Variants in ZNF536 observed in about 807,000 individuals in gnomAD.
ZNF536 encodes the protein zinc finger protein 536.
ZNF536 carries 13 observed loss-of-function variants against 84.5 expected under a neutral mutation model. The ratio of observed to expected loss-of-function variants is 0.15; its 90% confidence interval spans 0.10 to 0.24. ZNF536 has a LOEUF of 0.24. ZNF536 is among the 10% of genes least tolerant of loss of function. The probability of loss-of-function intolerance (pLI) is 1.00; values close to 1 mark genes in which losing one functional copy is unlikely to be tolerated. For synonymous variants in ZNF536, 811 were observed against 742.5 expected, an observed-to-expected ratio of 1.09 and a Z score of -1.50; for missense variants, 1,536 against 1,747.5, an observed-to-expected ratio of 0.88 and a Z score of 2.16.
intron 1 of ZNF536, among the ~76,000 whole-genome samples, chr19:30,406,460 C>G (rs1004553693): frequency 4.6e-5 from 7 of 152,060 alleles, no homozygotes; most frequent in Non-Finnish European, 5.9e-5. Context: ...GGATTTTGGC[C>G]AGGAGACTGC....
chr19:30,356,356 T>A (rs1218729019), intron 3 of ZNF536, among the ~76,000 whole-genome samples: 1 of 152,202 alleles, frequency 6.6e-6, no homozygotes, highest in African/African-American at 2.4e-5. Flanking sequence ...AGTCTGCACT[T>A]CAGGTGCTGA....
At chr19:30,604,825 C>T (rs2047811475) in intron 1 of ZNF536, among the ~76,000 whole-genome samples, 1 of 152,182 alleles carries the variant, frequency 6.6e-6, no homozygotes, top group Non-Finnish European at 1.5e-5. Context: ...GCACAGCAAG[C>T]TCGGGGCAGA....
intron 1 of ZNF536, among the ~76,000 whole-genome samples, chr19:30,588,377 AC>A (rs1320072503): frequency 6.6e-6 from 1 of 152,128 alleles, no homozygotes; most frequent in African/African-American, 2.4e-5. Context: ...AGTGAGGGGG[AC>A]AAGGTCCTAC....
Position 30,585,731 on chromosome 19 carries a change from C to T in ZNF536, c.169+36217C>T, listed in dbSNP as rs1423906669. 2.0e-5 allele frequency among the ~76,000 whole-genome samples: 3 copies of T among 152,160 alleles called. No individual in the cohort carries two copies. In the East Asian group the frequency reaches 5.8e-4, roughly 29 times the overall value. The stretch of plus-strand genomic sequence containing the variant: ...TTTCTCATCTCCAACTCTGCATCTT[C>T]CCATCTCCCCTGATGACCTTCCCTC... On this transcript the variant is annotated intron_variant, in intron 1 of 1. Coordinates refer to the ZNF536 transcript ENST00000592773.
At chr19:30,376,446 C>T (rs2048821556) in intron 1 of ZNF536, among the ~76,000 whole-genome samples, 1 of 152,192 alleles carries the variant, frequency 6.6e-6, no homozygotes, top group South Asian at 2.1e-4. Context: ...GATAATGAGG[C>T]TGGGAACAGC....
intron 1 of ZNF536, among the ~76,000 whole-genome samples, chr19:30,603,061 G>T (rs140954511): frequency 6.6e-6 from 1 of 152,178 alleles, no homozygotes; most frequent in African/African-American, 2.4e-5. Flanking sequence ...CCTCCAGCCC[G>T]TGTGACGTTC....
At chr19:30,588,706 G>T (rs2047180148) in intron 1 of ZNF536, among the ~76,000 whole-genome samples, 1 of 152,206 alleles carries the variant, frequency 6.6e-6, no homozygotes, top group Non-Finnish European at 1.5e-5. Context: ...ACCTTTTCAG[G>T]CAATTGCTTC....
intron 1 of ZNF536, among the ~76,000 whole-genome samples, chr19:30,666,197 G>C (rs2050311985): frequency 6.6e-6 from 1 of 152,224 alleles, no homozygotes; most frequent in East Asian, 1.9e-4. Flanking sequence ...CTCCCAGGAG[G>C]TTCTGAGCTT....
exon 2 of ZNF536, chr19:30,713,472 A>G (rs1369720670): frequency 6.6e-6 from 1 of 152,224 alleles, no homozygotes; most frequent in Non-Finnish European, 1.5e-5. Flanking sequence ...GTCATTATTT[A>G]TTATTATAAT....
At chr19:30,638,180 G>C (rs891249165) in intron 1 of ZNF536, among the ~76,000 whole-genome samples, 2 of 152,182 alleles carry the variant, frequency 1.3e-5, no homozygotes, top group East Asian at 1.9e-4. Flanking sequence ...GCCAGGCCAG[G>C]GTGGCTGGTC....
intron 1 of ZNF536, among the ~76,000 whole-genome samples, chr19:30,650,242 C>A (rs1483488853): frequency 1.3e-5 from 2 of 152,174 alleles, no homozygotes; most frequent in African/African-American, 4.8e-5. Flanking sequence ...CAAACAAGGA[C>A]AAAATGATCA....
intron 1 of ZNF536, among the ~76,000 whole-genome samples, chr19:30,679,824 C>T (rs2050895810): frequency 6.6e-6 from 1 of 152,222 alleles, no homozygotes; most frequent in Non-Finnish European, 1.5e-5. Flanking sequence ...AGAGAAATTG[C>T]AATTCTCAAC....
intron 4 of ZNF536, among the ~76,000 whole-genome samples, chr19:30,553,521 T>C (rs930271240): frequency 6.6e-6 from 1 of 152,198 alleles, no homozygotes; most frequent in African/African-American, 2.4e-5. Flanking sequence ...CACTGTGTCC[T>C]TTGGTGGACC....
In ZNF536 at chr19:30,445,662, C is replaced by T. The variant is rs776585198; in HGVS notation, c.2100C>T (p.Val700=). The change falls in exon 2 of 5, where the codon GTC becomes GTT. Residue 700 remains valine (V), a synonymous_variant. Coordinates refer to ENST00000355537, the MANE Select transcript of ZNF536 (RefSeq NM_014717.3). The surrounding 1 kb of genome is among the most constrained non-coding windows in gnomAD (Gnocchi z 4.5). ...CTAACGTCACCGAGGAGAGCGGGGT[C>T]GGAGGCGGCCTCTCCCAGACCGGGA... ...GSSNVTEESG[V]GGGLSQTGSA... is the part of the protein sequence containing the mutation. 15 of 1,608,726 alleles carry T rather than the reference C, an allele frequency of 9.3e-6. No homozygotes were observed. The highest frequency in any genetic ancestry group is 5.5e-5 in the South Asian group (5 of 90,424).
At chr19:30,330,785 G>A (rs1484401178) in intron 2 of ZNF536, among the ~76,000 whole-genome samples, 1 of 152,154 alleles carries the variant, frequency 6.6e-6, no homozygotes, top group African/African-American at 2.4e-5. Context: ...TCCATTTTTC[G>A]GTCCTGAGGG....
chr19:30,666,345 C>A (rs2050317334), intron 1 of ZNF536, among the ~76,000 whole-genome samples: 1 of 152,130 alleles, frequency 6.6e-6, no homozygotes, highest in South Asian at 2.1e-4. Flanking sequence ...CTGGCCGGGT[C>A]CGACACGTTC....
intron 1 of ZNF536, among the ~76,000 whole-genome samples, chr19:30,702,653 T>G (rs1238723514): frequency 6.6e-6 from 1 of 152,134 alleles, no homozygotes; most frequent in Non-Finnish European, 1.5e-5. Context: ...CCCTCCCCAC[T>G]GAGCTTCCCC....
At chr19:30,294,547 ATATG>A (rs2045938709) in intron 2 of ZNF536, among the ~76,000 whole-genome samples, 1 of 82,926 alleles carries the variant, frequency 1.2e-5, no homozygotes, top group Non-Finnish European at 2.2e-5. Flanking sequence ...CTAGGCCCCA[ATATG>A]TGTGTGTGTG....
intron 1 of ZNF536, among the ~76,000 whole-genome samples, chr19:30,569,788 T>C (rs1490167811): frequency 6.6e-5 from 10 of 151,784 alleles, no homozygotes; most frequent in Admixed American, 6.6e-4. Flanking sequence ...GCCAGGCTGG[T>C]CTCCAATGCC....
Sources: allele counts gnomAD v4.1 joint callset (sites outside exome capture counted in the v4.1 genomes callset), GRCh38; gene constraint gnomAD v4.1.1; non-coding constraint Gnocchi (gnomAD v3.1); transcripts MANE v1.5; gene names NCBI Gene and HGNC (gene_info 2026-07-23, HGNC 2026-07-21).